The following ADCY5 variants were observed in gnomAD, a reference collection of about 807,000 sequenced individuals.
ADCY5 encodes the protein adenylate cyclase type 5.
ADCY5 carries 30 observed loss-of-function variants against 119.7 expected under a neutral mutation model. The ratio of observed to expected loss-of-function variants is 0.25; its 90% CI spans 0.19 to 0.34. ADCY5 has a LOEUF of 0.34. Among genes scored for constraint, ADCY5 ranks in the 10% least tolerant of loss-of-function variants. The pLI is 1.00. For missense variants in ADCY5, 1,324 were observed against 1,775.2 expected (o/e 0.75, Z 4.57); for synonymous variants, 753 against 762.2 (o/e 0.99, Z 0.20).
At chr3:123,295,292 C>T (rs896463635) in intron 17 of ADCY5, among the ~76,000 whole-genome samples, 4 of 152,014 alleles carry the variant, frequency 2.6e-5, no homozygotes, top group Non-Finnish European at 5.9e-5. Flanking sequence ...AGATAGGGGC[C>T]GGGCCAAGAG....
intron 1 of ADCY5, among the ~76,000 whole-genome samples, chr3:123,412,172 A>G (rs1380043462): frequency 6.6e-6 from 1 of 152,182 alleles, no homozygotes; most frequent in Non-Finnish European, 1.5e-5. Context: ...TCCTGACCAC[A>G]AGGGGCACGC....
intron 1 of ADCY5, among the ~76,000 whole-genome samples, chr3:123,423,702 C>T (rs976275949): frequency 5.3e-5 from 8 of 152,192 alleles, no homozygotes; most frequent in Admixed American, 1.3e-4. Context: ...CAGGGCCCGG[C>T]GGCTGGCAGT....
intron 11 of ADCY5, among the ~76,000 whole-genome samples, chr3:123,317,718 G>C (rs944172078): frequency 2.0e-5 from 3 of 148,724 alleles, no homozygotes; most frequent in African/African-American, 7.4e-5. Context: ...CTGGGCAACA[G>C]AGCGAGACGC....
chr3:123,375,517 C>A (rs1943794956), intron 1 of ADCY5, among the ~76,000 whole-genome samples: 1 of 152,346 alleles, frequency 6.6e-6, no homozygotes, highest in African/African-American at 2.4e-5. Context: ...GCCCCCCATT[C>A]CCAGTTCTCA....
At chr3:123,401,771 G>T (rs1273905405) in intron 1 of ADCY5, among the ~76,000 whole-genome samples, 1 of 152,150 alleles carries the variant, frequency 6.6e-6, no homozygotes, top group Admixed American at 6.5e-5. Context: ...CTGCTCAGAG[G>T]TAGTGAGGAG....
chr3:123,349,604 G>A (rs1484327730), intron 2 of ADCY5, among the ~76,000 whole-genome samples: 6 of 152,134 alleles, frequency 3.9e-5, no homozygotes, highest in East Asian at 3.9e-4. Context: ...TTCCAGACCC[G>A]CTGAACTCAC....
intron 1 of ADCY5, among the ~76,000 whole-genome samples, chr3:123,426,314 G>GTTTTTT (rs10663844): frequency 2.1e-5 from 3 of 142,822 alleles, no homozygotes; most frequent in Non-Finnish European, 3.0e-5. Flanking sequence ...TTTTTTGTTT[G>GTTTTTT]TTTTTGTTTG....
intron 1 of ADCY5, among the ~76,000 whole-genome samples, chr3:123,409,339 G>C (rs1944986103): frequency 6.6e-6 from 1 of 152,216 alleles, no homozygotes; most frequent in Non-Finnish European, 1.5e-5. Context: ...CAATACTCCA[G>C]GTGTGTACAG....
At position 123,381,336 on chromosome 3, in the gene ADCY5, T is replaced by G. The variant is rs76010972; in HGVS notation, c.1135-28755A>C. On this transcript the variant is annotated intron_variant, in intron 1 of 20. Coordinates refer to ENST00000462833, the MANE Select transcript of ADCY5 (RefSeq NM_183357.3). ...CCATTCTCCTGGAAGTCTTTACCTG[T>G]GGCCTGTGCCACATTCAGGGGAAGA... Among the ~76,000 whole-genome samples, 52 of 152,342 alleles carry G rather than the reference T, an allele frequency of 3.4e-4. No individual in the cohort carries two copies. The East Asian group carries it at 9.8e-3, about 29-fold the overall frequency.
chr3:123,428,738 A>T lies in ADCY5; in HGVS notation c.1134+18674T>A, dbSNP rs1461649485. Among the ~76,000 whole-genome samples the T allele has an allele frequency of 3.9e-5, 6 of 152,240 alleles. No individual in the cohort carries two copies. The East Asian group carries it at 9.7e-4, about 25-fold the overall frequency. ...TGGTAGAACTGCATCCCCAGGGCACATGCCTCTAATTTGCGGGGGGTGCCT... is the reference window on the plus strand; with the variant it reads ...TGGTAGAACTGCATCCCCAGGGCACTTGCCTCTAATTTGCGGGGGGTGCCT... On this transcript the variant is annotated intron_variant, in intron 1 of 20. Coordinates refer to ENST00000462833, the MANE Select transcript of ADCY5 (RefSeq NM_183357.3).
At chr3:123,357,446 T>A (rs571216470) in intron 1 of ADCY5, among the ~76,000 whole-genome samples, 32 of 152,154 alleles carry the variant, frequency 2.1e-4, no homozygotes, top group Non-Finnish European at 4.1e-4. Context: ...CCTGCTGTAA[T>A]CTGACTCCTC....
At chr3:123,337,488 C>A (rs763080888) in intron 3 of ADCY5, among the ~76,000 whole-genome samples, 1 of 152,214 alleles carries the variant, frequency 6.6e-6, no homozygotes, top group Non-Finnish European at 1.5e-5. Context: ...ATCAAGGAGT[C>A]GGTAGGGCCC....
At chr3:123,314,449 G>A in intron 11 of ADCY5, 127 bp from the exon 12 acceptor site, 1 of 694,982 alleles carries the variant, frequency 1.4e-6, no homozygotes, top group Non-Finnish European at 2.4e-6. Flanking sequence ...GAGGGCCTGG[G>A]CTCTGAAATC....
At chr3:123,435,996 T>C (rs949031807) in intron 1 of ADCY5, among the ~76,000 whole-genome samples, 2 of 150,900 alleles carry the variant, frequency 1.3e-5, no homozygotes, top group Non-Finnish European at 3.0e-5. Context: ...GTTCAAGCGA[T>C]TCTCCTGCCT....
At chr3:123,378,630 A>G (rs1943925098) in intron 1 of ADCY5, among the ~76,000 whole-genome samples, 1 of 152,150 alleles carries the variant, frequency 6.6e-6, no homozygotes, top group South Asian at 2.1e-4. Flanking sequence ...GCAGTTTGAC[A>G]CTGTCTTAGG....
chr3:123,416,099 C>G (rs1945178412), intron 1 of ADCY5: 1 of 1,476,020 alleles, frequency 6.8e-7, no homozygotes, highest in Non-Finnish European at 9.1e-7. Flanking sequence ...GTGAGGTGTC[C>G]AAGAAGGTGG....
intron 1 of ADCY5, among the ~76,000 whole-genome samples, chr3:123,422,858 A>G (rs1945327538): frequency 6.6e-6 from 1 of 152,208 alleles, no homozygotes; most frequent in South Asian, 2.1e-4. Context: ...CCAATTAATG[A>G]GATGGTCCTT....
intron 9 of ADCY5, 101 bp downstream of exon 9, chr3:123,320,648 G>A: frequency 1.4e-6 from 2 of 1,465,274 alleles, no homozygotes; most frequent in South Asian, 1.1e-5. Context: ...ACTGCAAGAG[G>A]AGTCATTTTC....
chr3:123,294,536 C>G (rs1365361363), intron 17 of ADCY5, among the ~76,000 whole-genome samples: 3 of 152,242 alleles, frequency 2.0e-5, no homozygotes, highest in Admixed American at 2.0e-4. Context: ...GGCTCCATTT[C>G]TGTGTGCTTC....
Sources: gnomAD v4.1 joint callset for allele counts (sites outside exome capture counted in the v4.1 genomes callset) on GRCh38, gnomAD v4.1.1 for gene constraint, MANE v1.5 for transcripts, NCBI Gene and HGNC (gene_info 2026-07-23, HGNC 2026-07-21) for gene names.